FRS2: variants seen among roughly 807,000 people sequenced by gnomAD.
FRS2 encodes the protein fibroblast growth factor receptor substrate 2.
Under a neutral mutation model 43.9 loss-of-function variants are expected in FRS2, and 8 were observed. The observed-to-expected ratio is 0.18, with a 90% confidence interval of 0.11 to 0.33. FRS2 has a LOEUF of 0.33. FRS2 is among the 10% of genes least tolerant of loss of function. The probability of loss-of-function intolerance (pLI) is 1.00; values close to 1 mark genes in which losing one functional copy is unlikely to be tolerated. For missense variants in FRS2, 534 were observed against 627.6 expected, an observed-to-expected ratio of 0.85 and a Z score of 1.59; for synonymous variants, 219 against 220.3, an observed-to-expected ratio of 0.99 and a Z score of 0.05.
At chr12:69,483,639 G>T (rs181717334) in intron 1 of FRS2, among the ~76,000 whole-genome samples, 10 of 151,532 alleles carry the variant, frequency 6.6e-5, no homozygotes, top group Non-Finnish European at 1.3e-4. Context: ...AGTATTTTCC[G>T]TGTCACCATC....
intron 1 of FRS2, among the ~76,000 whole-genome samples, chr12:69,523,395 C>T (rs1429105052): frequency 1.3e-5 from 2 of 152,186 alleles, no homozygotes; most frequent in Non-Finnish European, 2.9e-5. Context: ...ATTAGGATTG[C>T]AACCCCTGCT....
chr12:69,522,197 T>C (rs1457431652), intron 1 of FRS2, among the ~76,000 whole-genome samples: 8 of 107,604 alleles, frequency 7.4e-5, no homozygotes, highest in African/African-American at 2.8e-4. Flanking sequence ...TCTTTGTGTG[T>C]GTGTGTGTGT....
intron 5 of FRS2, 71 bp from the exon 6 acceptor site, chr12:69,570,256 ATAAC>A: frequency 9.1e-7 from 1 of 1,095,610 alleles, no homozygotes; most frequent in South Asian, 1.3e-5. Flanking sequence ...CAAATTACAA[ATAAC>A]TAATTAGCAA....
chr12:69,502,460 C>T (rs189384753), intron 1 of FRS2, among the ~76,000 whole-genome samples: 5 of 151,890 alleles, frequency 3.3e-5, no homozygotes, highest in African/African-American at 9.7e-5. Flanking sequence ...TGTCAAACTC[C>T]GAGGCTCGAG....
rs1881062299 is a variant in FRS2 at position 69,574,695 on chromosome 12, G to C, written c.1267G>C (p.Asp423His). Residue 423 changes from aspartate to histidine, a missense_variant, in exon 9 of 9, where the codon GAT (aspartate) becomes CAT (histidine). By Grantham distance (81) the Asp-to-His change is moderately conservative (BLOSUM62 -1). Around this residue, in one of 3 missense-constraint regions of FRS2, gnomAD observed 446 missense variants for 494.2 expected, o/e 0.90. Transcript: ENST00000549921. ...CTGTACACCAACAGTCTTTAACTTTGATATCAGACGCCCAAGTTTAGAACA... is the reference window on the plus strand; with the variant it reads ...CTGTACACCAACAGTCTTTAACTTTCATATCAGACGCCCAAGTTTAGAACA... The part of the protein sequence containing the change: ...RDCTPTVFNF[D>H]IRRPSLEHRQ... 1 of 1,614,048 alleles carries C rather than the reference G, an allele frequency of 6.2e-7. No homozygotes were observed. The highest frequency in any genetic ancestry group is 1.3e-5 in the African/African-American group (1 of 74,928).
chr12:69,549,601 G>A (rs1019232484), intron 3 of FRS2, among the ~76,000 whole-genome samples: 2 of 152,182 alleles, frequency 1.3e-5, no homozygotes, highest in African/African-American at 2.4e-5. Context: ...TCAGTTCTTT[G>A]TTGGGCAGAT....
At chr12:69,545,465 A>G (rs546752741) in intron 3 of FRS2, among the ~76,000 whole-genome samples, 1 of 152,280 alleles carries the variant, frequency 6.6e-6, no homozygotes, top group East Asian at 1.9e-4. Flanking sequence ...TAGAGCAGAG[A>G]ACCCAGAAAT....
At chr12:69,519,281 A>G (rs1315892403) in intron 1 of FRS2, among the ~76,000 whole-genome samples, 1 of 152,184 alleles carries the variant, frequency 6.6e-6, no homozygotes, top group Non-Finnish European at 1.5e-5. Flanking sequence ...TGCTCTTCAT[A>G]GTGAATATTT....
intron 1 of FRS2, among the ~76,000 whole-genome samples, chr12:69,475,742 A>G (rs1232869723): frequency 6.6e-6 from 1 of 150,476 alleles, no homozygotes; most frequent in East Asian, 1.9e-4. Context: ...ACGTATCATC[A>G]CTTTCCTTTT....
In FRS2 at chr12:69,540,227, T is replaced by A. The variant is rs185713181; in HGVS notation, c.-122+8171T>A. 8.6e-4 allele frequency among the ~76,000 whole-genome samples: 130 copies of A among 151,780 alleles called. 2 individuals carry two copies. The highest frequency in any genetic ancestry group is 4.4e-4 in the Non-Finnish European group (30 of 67,992). On this transcript the variant is annotated intron_variant, in intron 3 of 8. Transcript: ENST00000549921. Reference sequence around the variant, plus strand: ...GAGATGGCTCCACTGCACTCCAGCCTGGACGACAAAGCGAGACTCCATCTC... The same window carrying A: ...GAGATGGCTCCACTGCACTCCAGCCAGGACGACAAAGCGAGACTCCATCTC...
chr12:69,515,659 A>G (rs1874930761), intron 1 of FRS2, among the ~76,000 whole-genome samples: 2 of 152,146 alleles, frequency 1.3e-5, no homozygotes, highest in Admixed American at 6.5e-5. Flanking sequence ...AAGAGAGGGT[A>G]TGCACACACA....
At chr12:69,471,100 C>T (rs905135822) in intron 1 of FRS2, among the ~76,000 whole-genome samples, 1 of 152,078 alleles carries the variant, frequency 6.6e-6, no homozygotes, top group Non-Finnish European at 1.5e-5. Flanking sequence ...GGCTCGGAAC[C>T]GGTCCTGGAT....
chr12:69,474,815 C>T lies in FRS2; in HGVS notation c.-261+4285C>T, dbSNP rs942459994. ...TTTCACTTATTTATGTGTATGACATCGATTTTGGTTTCAAAATCAAGAACC... is the reference window on the plus strand; with the variant it reads ...TTTCACTTATTTATGTGTATGACATTGATTTTGGTTTCAAAATCAAGAACC... On this transcript the variant is annotated intron_variant, in intron 1 of 8. Transcript: ENST00000549921. 4.6e-5 allele frequency among the ~76,000 whole-genome samples: 7 copies of T among 152,118 alleles called. No individual in the cohort carries two copies. The South Asian group carries it at 8.3e-4, about 18-fold the overall frequency.
intron 1 of FRS2, among the ~76,000 whole-genome samples, chr12:69,520,046 T>C (rs1473976723): frequency 6.6e-6 from 1 of 152,220 alleles, no homozygotes; most frequent in Non-Finnish European, 1.5e-5. Flanking sequence ...AGCATTCCCT[T>C]TTCTCTGTAA....
chr12:69,508,312 C>G (rs1445277527), intron 1 of FRS2, among the ~76,000 whole-genome samples: 3 of 152,088 alleles, frequency 2.0e-5, no homozygotes, highest in African/African-American at 4.8e-5. Context: ...AATATCTATT[C>G]TTAGGGAGAA....
chr12:69,495,971 T>C (rs1245123377), intron 1 of FRS2, among the ~76,000 whole-genome samples: 1 of 152,198 alleles, frequency 6.6e-6, no homozygotes, highest in African/African-American at 2.4e-5. Flanking sequence ...GAATTATTAA[T>C]AGTATGCCAG....
intron 1 of FRS2, among the ~76,000 whole-genome samples, chr12:69,476,584 A>G (rs1319575107): frequency 1.3e-5 from 2 of 152,156 alleles, no homozygotes; most frequent in African/African-American, 4.8e-5. Context: ...GAGAAAGAAT[A>G]GTGCAGCACT....
chr12:69,572,398 C>A, intron 8 of FRS2, 117 bp downstream of exon 8: 1 of 803,802 alleles, frequency 1.2e-6, no homozygotes, highest in Non-Finnish European at 2.0e-6. Context: ...TTGTAAATTA[C>A]TTTTGTAGTG....
intron 3 of FRS2, among the ~76,000 whole-genome samples, chr12:69,550,534 A>G (rs1158434619): frequency 6.6e-6 from 1 of 152,220 alleles, no homozygotes; most frequent in Non-Finnish European, 1.5e-5. Flanking sequence ...AGCATTCTAA[A>G]TTTCTCCAGA....
Sources: allele counts gnomAD v4.1 joint callset (sites outside exome capture counted in the v4.1 genomes callset), GRCh38; gene constraint gnomAD v4.1.1; regional missense constraint gnomAD v4.1.1; transcripts MANE v1.5; gene names NCBI Gene and HGNC (gene_info 2026-07-23, HGNC 2026-07-21).